Variants in SPMAP2L observed in about 807,000 individuals in gnomAD.
SPMAP2L encodes the protein sperm microtubule associated protein 2-like.
chr4:56,618,541 A>G, the SPMAP2L span, among the ~76,000 whole-genome samples: 1 of 152,218 alleles, frequency 6.6e-6, no homozygotes, highest in Non-Finnish European at 1.5e-5. Flanking sequence ...GGCAGAACCC[A>G]GAAGTGCCAA....
chr4:56,605,896 C>T, the SPMAP2L span, among the ~76,000 whole-genome samples: 2 of 152,138 alleles, frequency 1.3e-5, no homozygotes, highest in African/African-American at 4.8e-5. Context: ...CACCTGGTAC[C>T]GTTGCTCTTC....
chr4:56,604,513 C>A, the SPMAP2L span, among the ~76,000 whole-genome samples: 1 of 151,864 alleles, frequency 6.6e-6, no homozygotes, highest in African/African-American at 2.4e-5. Flanking sequence ...CAAAAATTAG[C>A]CTGGTGTGGT....
the SPMAP2L span, among the ~76,000 whole-genome samples, chr4:56,558,393 C>T: frequency 1.3e-5 from 2 of 152,120 alleles, no homozygotes; most frequent in Non-Finnish European, 2.9e-5. Context: ...TGTTCATACT[C>T]TGTGTTTTCT....
At chr4:56,579,348 A>G in the SPMAP2L span, among the ~76,000 whole-genome samples, 1 of 152,356 alleles carries the variant, frequency 6.6e-6, no homozygotes, top group South Asian at 2.1e-4. Flanking sequence ...TTACACTCCT[A>G]AACAACCAAT....
the SPMAP2L span, among the ~76,000 whole-genome samples, chr4:56,532,476 A>G: frequency 5.3e-5 from 8 of 151,986 alleles, no homozygotes; most frequent in East Asian, 3.9e-4. Flanking sequence ...TACAGCATCA[A>G]TTTCTCCCTA....
chr4:56,559,432 T>G, the SPMAP2L span: 1 of 1,531,548 alleles, frequency 6.5e-7, no homozygotes, highest in Non-Finnish European at 8.7e-7. Context: ...TCGCCCTGTT[T>G]CCCAGGGTGC....
chr4:56,577,451 A>G, the SPMAP2L span, among the ~76,000 whole-genome samples: 2 of 152,162 alleles, frequency 1.3e-5, no homozygotes, highest in Non-Finnish European at 2.9e-5. Flanking sequence ...TAAGACAAAC[A>G]TTGTTACTAG....
the SPMAP2L span, chr4:56,593,643 C>A: frequency 6.2e-7 from 1 of 1,605,314 alleles, no homozygotes; most frequent in Non-Finnish European, 8.5e-7. Context: ...TATGGGGGAC[C>A]CCACGCAGCA....
At chr4:56,567,053 C>T in the SPMAP2L span, among the ~76,000 whole-genome samples, 2 of 152,016 alleles carry the variant, frequency 1.3e-5, no homozygotes, top group Non-Finnish European at 1.5e-5. Flanking sequence ...CTTTGTGCCA[C>T]GGTGATCATA....
At chr4:56,595,541 G>C in the SPMAP2L span, 5 of 1,465,608 alleles carry the variant, frequency 3.4e-6, no homozygotes, top group African/African-American at 1.4e-5. Context: ...CACTGGGACC[G>C]GCCTTATATT....
chr4:56,555,683 G>C, the SPMAP2L span, among the ~76,000 whole-genome samples: 1 of 151,564 alleles, frequency 6.6e-6, no homozygotes, highest in African/African-American at 2.4e-5. Flanking sequence ...GTATTTTTTT[G>C]GAATTATGCT....
At chr4:56,569,047 A>G in the SPMAP2L span, among the ~76,000 whole-genome samples, 3 of 152,156 alleles carry the variant, frequency 2.0e-5, no homozygotes, top group Non-Finnish European at 2.9e-5. Flanking sequence ...CATTTTATTT[A>G]TCGATTCATC....
At chr4:56,538,631 CAG>C in the SPMAP2L span, among the ~76,000 whole-genome samples, 3 of 152,134 alleles carry the variant, frequency 2.0e-5, no homozygotes, top group Non-Finnish European at 4.4e-5. Flanking sequence ...GGTGAAACCC[CAG>C]CTCTACTAAA....
chr4:56,574,306 C>T, the SPMAP2L span, among the ~76,000 whole-genome samples: 1 of 152,172 alleles, frequency 6.6e-6, no homozygotes, highest in Non-Finnish European at 1.5e-5. Context: ...GTAGTCCCCC[C>T]TACTCAGGAG....
the SPMAP2L span, among the ~76,000 whole-genome samples, chr4:56,614,860 C>T: frequency 2.0e-5 from 3 of 152,148 alleles, no homozygotes; most frequent in African/African-American, 4.8e-5. Context: ...TTCCCCACCA[C>T]CTAGAGGTTT....
chr4:56,531,789 T>A, the SPMAP2L span, among the ~76,000 whole-genome samples: 1 of 152,144 alleles, frequency 6.6e-6, no homozygotes, highest in Non-Finnish European at 1.5e-5. Flanking sequence ...TTATGACCCC[T>A]CACTAATGAC....
the SPMAP2L span, chr4:56,559,551 A>C: frequency 6.9e-7 from 1 of 1,453,048 alleles, no homozygotes; most frequent in Non-Finnish European, 9.0e-7. Context: ...ATGTTACTTT[A>C]TCAGGAGGTT....
the SPMAP2L span, among the ~76,000 whole-genome samples, chr4:56,604,455 C>T: frequency 6.6e-6 from 1 of 152,018 alleles, no homozygotes; most frequent in Non-Finnish European, 1.5e-5. Flanking sequence ...GTCAGGGGTT[C>T]AAGACCAGCC....
At chr4:56,573,959 A>G in the SPMAP2L span, among the ~76,000 whole-genome samples, 2 of 152,226 alleles carry the variant, frequency 1.3e-5, no homozygotes, top group Non-Finnish European at 2.9e-5. Context: ...AGAGGGATGC[A>G]GATCTGTATC....
Sources: gnomAD v4.1 joint callset for allele counts (sites outside exome capture counted in the v4.1 genomes callset) on GRCh38, gnomAD v4.1.1 for gene constraint, MANE v1.5 for transcripts, NCBI Gene and HGNC (gene_info 2026-07-23, HGNC 2026-07-21) for gene names.